The following TDP1 variants were observed in gnomAD, a reference collection of about 807,000 sequenced individuals.
The protein encoded by TDP1 is tyrosyl-DNA phosphodiesterase 1, also known as tyr-DNA phosphodiesterase 1.
TDP1 carries 64 observed loss-of-function variants against 81.5 expected under a neutral mutation model. The ratio of observed to expected loss-of-function variants is 0.79; its 90% CI spans 0.64 to 0.97. The LOEUF (loss-of-function observed/expected upper bound fraction) is 0.97, where lower values mean the gene tolerates loss of function less well. TDP1 is among the 50% of genes least tolerant of loss of function. TDP1 has a pLI of 0.00. For missense variants in TDP1, 723 were observed against 743.8 expected (o/e 0.97, Z 0.33); for synonymous variants, 256 against 264.3 (o/e 0.97, Z 0.30).
At chr14:90,006,092 C>T (rs35695756) in intron 14 of TDP1, among the ~76,000 whole-genome samples, 7,982 of 152,112 alleles carry the variant, frequency 0.052, 342 homozygotes, top group African/African-American at 0.11. Flanking sequence ...GGGGGAGGGT[C>T]ATGATAGGCC....
chr14:89,957,438 GC>G (rs1451158559), intron 2 of TDP1, among the ~76,000 whole-genome samples: 2 of 152,166 alleles, frequency 1.3e-5, no homozygotes, highest in South Asian at 2.1e-4. Context: ...TAACTAACCT[GC>G]CCAAGTGCAC....
intron 15 of TDP1, among the ~76,000 whole-genome samples, chr14:90,024,577 G>C (rs1171089876): frequency 6.6e-6 from 1 of 152,126 alleles, no homozygotes; most frequent in African/African-American, 2.4e-5. Flanking sequence ...TGGTCCAGTG[G>C]GTATTGTGTG....
intron 6 of TDP1, among the ~76,000 whole-genome samples, chr14:89,973,528 C>A (rs944942160): frequency 2.0e-5 from 3 of 152,176 alleles, no homozygotes; most frequent in African/African-American, 7.2e-5. Context: ...TCTTGAAGCA[C>A]CTTTATACCT....
intron 16 of TDP1, among the ~76,000 whole-genome samples, chr14:90,039,099 A>C (rs532423383): frequency 6.6e-6 from 1 of 152,346 alleles, no homozygotes; most frequent in Non-Finnish European, 1.5e-5. Context: ...GAAATAAATA[A>C]GTACTGAATT....
At chr14:89,965,237 A>C (rs1216625702) in intron 3 of TDP1, among the ~76,000 whole-genome samples, 1 of 151,412 alleles carries the variant, frequency 6.6e-6, no homozygotes, top group Non-Finnish European at 1.5e-5. Context: ...GATAGGAAGC[A>C]CTCAGGAAAT....
Position 89,961,573 on chromosome 14 carries a change from T to C in TDP1, c.-7-1535T>C, listed in dbSNP as rs576836797. ...GTCACAGAATCTATTCTGCCAGTCT[T>C]ACGATCTCTGGTCAGTTGTGTTTAA... On this transcript the variant is annotated intron_variant, in intron 2 of 16. Transcript: ENST00000335725. Among the ~76,000 whole-genome samples the C allele has an allele frequency of 2.0e-5, 3 of 152,304 alleles. No homozygotes were observed. In the East Asian group the frequency reaches 5.8e-4, roughly 29 times the overall value.
intron 16 of TDP1, among the ~76,000 whole-genome samples, chr14:90,034,468 C>T (rs1434493236): frequency 6.6e-6 from 1 of 152,144 alleles, no homozygotes; most frequent in East Asian, 1.9e-4. Context: ...CAGTTGTGCT[C>T]AGAGGAAGGC....
chr14:89,991,404 G>T, intron 12 of TDP1: 1 of 224,792 alleles, frequency 4.4e-6, no homozygotes, highest in Non-Finnish European at 7.4e-6. Context: ...GCAGGAAAAA[G>T]CTCTATTCTG....
intron 16 of TDP1, among the ~76,000 whole-genome samples, chr14:90,042,689 C>G (rs544543408): frequency 6.6e-6 from 1 of 152,264 alleles, no homozygotes; most frequent in East Asian, 1.9e-4. Flanking sequence ...GGGAATTCCC[C>G]TTTATAAAAC....
Position 89,984,621 on chromosome 14 carries a change from T to C in TDP1, c.990T>C (p.Tyr330=). The C allele has an allele frequency of 5.0e-6, 8 of 1,614,192 alleles. No individual in the cohort carries two copies. Among genetic ancestry groups the C allele is most frequent in the Non-Finnish European group, 6.8e-6 (8 of 1,180,036 alleles). The change falls in exon 9 of 17, where the codon TAT becomes TAC. Residue 330 remains tyrosine, a synonymous_variant. Transcript: ENST00000335725. ...KADLISYLMA[Y]NAPSLKEWID... ...ATCTCATCAGTTACTTGATGGCTTA[T>C]AATGCCCCTTCTCTCAAGGAGTGGA...
chr14:89,971,123 A>G, intron 5 of TDP1, 52 bp from the exon 6 acceptor site: 1 of 1,516,680 alleles, frequency 6.6e-7, no homozygotes, highest in Non-Finnish European at 9.1e-7. Context: ...GGTGTGAGCC[A>G]CTGAGCCTGG....
chr14:90,041,888 CATTT>C (rs1377671886), intron 16 of TDP1, among the ~76,000 whole-genome samples: 3 of 152,192 alleles, frequency 2.0e-5, no homozygotes, highest in Non-Finnish European at 4.4e-5. Flanking sequence ...GAAAAGTTCA[CATTT>C]ATTGAGCACC....
Position 89,963,138 on chromosome 14 carries a change from G to A in TDP1, c.24G>A (p.Gly8=), listed in dbSNP as rs1298559865. 1.9e-6 allele frequency: 3 copies of A among 1,614,110 alleles called. No homozygotes were observed. In the Admixed American group the frequency reaches 5.0e-5, roughly 27 times the overall value. The change falls in exon 3 of 17, where the codon GGG becomes GGA. Residue 8 remains glycine (G), a synonymous_variant. Transcript: ENST00000335725. ...TAATGTCTCAGGAAGGCGATTATGG[G>A]AGGTGGACCATATCTAGTAGTGATG... MSQEGDY[G]RWTISSSDES... is the part of the protein sequence containing the mutation.
intron 2 of TDP1, chr14:89,957,054 C>T (rs1219719745): frequency 6.6e-6 from 1 of 152,276 alleles, no homozygotes; most frequent in Admixed American, 6.5e-5. Context: ...GACCTCTTTC[C>T]CACCTCTGCC....
intron 6 of TDP1, 28 bp downstream of exon 6, chr14:89,971,299 A>G: frequency 6.4e-7 from 1 of 1,553,618 alleles, no homozygotes; most frequent in Non-Finnish European, 8.9e-7. Context: ...GTTGGAGAGC[A>G]CGCGTAGTCT....
intron 15 of TDP1, among the ~76,000 whole-genome samples, chr14:90,030,826 C>T (rs1436789137): frequency 6.6e-6 from 1 of 151,222 alleles, no homozygotes; most frequent in South Asian, 2.1e-4. Flanking sequence ...AGTGCAGTGG[C>T]GTGATTTTGG....
At chr14:90,028,885 A>G (rs560208789) in intron 15 of TDP1, among the ~76,000 whole-genome samples, 3 of 152,276 alleles carry the variant, frequency 2.0e-5, no homozygotes, top group Admixed American at 2.0e-4. Flanking sequence ...TGGCCACGAT[A>G]TATTTGAAAA....
rs1037056557 is a variant in TDP1 at position 89,956,770 on chromosome 14, G to A, written c.-38G>A. On this transcript the variant is annotated 5_prime_UTR_variant, in exon 2 of 17. An upstream start codon of the reference 5' UTR is lost. Coordinates refer to ENST00000335725, the MANE Select transcript of TDP1 (RefSeq NM_018319.4). Reference sequence around the variant, plus strand: ...AAATTAGCCGAGCGTGATGGTGGATGCCTGTAATCCTAGCTCCTCGGGAGG... The same window carrying A: ...AAATTAGCCGAGCGTGATGGTGGATACCTGTAATCCTAGCTCCTCGGGAGG... 2 of 152,278 alleles carry A rather than the reference G, an allele frequency of 1.3e-5. No homozygotes were observed. The highest frequency in any genetic ancestry group is 1.3e-4 in the Admixed American group (2 of 15,280). The allele number at this position is 152,278 out of a possible 1,614,324, so 9.4% of individuals were successfully genotyped here. A position where few individuals can be genotyped will look rare whatever the true frequency, so the allele number is the denominator to read the frequency against.
At position 90,023,147 on chromosome 14, in the gene TDP1, G is replaced by C. The variant is rs1886282307; in HGVS notation, c.1644+3729G>C. The C allele has an allele frequency of 4.1e-6, 3 of 723,734 alleles. No homozygotes were observed. The South Asian group carries it at 4.3e-5, about 10-fold the overall frequency. The allele number at this position is 723,734 out of a possible 1,614,324, so 44.8% of individuals were successfully genotyped here. On this transcript the variant is annotated intron_variant, in intron 15 of 16. Transcript: ENST00000335725. Reference sequence around the variant, plus strand: ...TATATGACAACAACTAGGGTGTGGGGCATTCAAAATACAGGGGCTCTGAGA... The same window carrying C: ...TATATGACAACAACTAGGGTGTGGGCCATTCAAAATACAGGGGCTCTGAGA...
Sources: gnomAD v4.1 joint callset for allele counts (sites outside exome capture counted in the v4.1 genomes callset) on GRCh38, gnomAD v4.1.1 for gene constraint, MANE v1.5 for transcripts, NCBI Gene and HGNC (gene_info 2026-07-23, HGNC 2026-07-21) for gene names.